Variants in ZFPM2 observed in about 807,000 individuals in gnomAD.
ZFPM2 encodes zinc finger protein, FOG family member 2.
A neutral mutation model predicts 98.6 loss-of-function variants in ZFPM2; 20 were observed. The ratio of observed to expected loss-of-function variants is 0.20; its 90% CI spans 0.14 to 0.29. The LOEUF is 0.29. ZFPM2 is among the 10% of genes least tolerant of loss of function. ZFPM2 has a pLI of 1.00. For synonymous variants in ZFPM2, 518 were observed against 502.7 expected (o/e 1.03, Z -0.41); for missense variants, 1,310 against 1,388.6 (o/e 0.94, Z 0.90).
At chr8:105,653,753 A>G (rs1269071254) in intron 5 of ZFPM2, among the ~76,000 whole-genome samples, 2 of 151,408 alleles carry the variant, frequency 1.3e-5, no homozygotes, top group Non-Finnish European at 2.9e-5. Context: ...TGCATGTTAG[A>G]GGCAAATAGA....
chr8:105,730,684 C>A (rs1251674874), intron 5 of ZFPM2, among the ~76,000 whole-genome samples: 2 of 151,258 alleles, frequency 1.3e-5, no homozygotes, highest in Admixed American at 1.3e-4. Context: ...TATTTTAATA[C>A]ACACAGTATA....
chr8:105,390,136 T>C lies in ZFPM2; in HGVS notation c.41-29008T>C, dbSNP rs547895594. 1.1e-4 allele frequency among the ~76,000 whole-genome samples: 16 copies of C among 152,244 alleles called. No individual in the cohort carries two copies. In the South Asian group the frequency reaches 3.1e-3, roughly 30 times the overall value. On this transcript the variant is annotated intron_variant, in intron 1 of 7. Transcript: ENST00000407775. ...CAACCTATAGTTTGTGCAGACTCCG[T>C]AGGTTGAGGCAAAGACCCCAGTAAG...
chr8:105,356,907 G>A (rs1221554433), intron 1 of ZFPM2, among the ~76,000 whole-genome samples: 2 of 151,994 alleles, frequency 1.3e-5, no homozygotes, highest in South Asian at 4.2e-4. Flanking sequence ...AGTCTACCAG[G>A]CTGATCTTCT....
intron 5 of ZFPM2, among the ~76,000 whole-genome samples, chr8:105,767,582 G>T (rs1246458100): frequency 6.6e-6 from 1 of 151,836 alleles, no homozygotes; most frequent in Non-Finnish European, 1.5e-5. Context: ...AAGGAATTAG[G>T]TTACAACACT....
intron 1 of ZFPM2, among the ~76,000 whole-genome samples, chr8:105,394,116 A>G (rs537649496): frequency 6.6e-6 from 1 of 152,058 alleles, no homozygotes; most frequent in Non-Finnish European, 1.5e-5. Context: ...GATGGTCTCT[A>G]TCTCCTGACC....
chr8:105,418,623 G>C (rs1319029777), intron 1 of ZFPM2: 1 of 518,514 alleles, frequency 1.9e-6, no homozygotes, highest in East Asian at 5.4e-5. Flanking sequence ...TTTTCTTCAA[G>C]CCTCAAACAC....
At chr8:105,574,636 T>G (rs967929940) in intron 4 of ZFPM2, among the ~76,000 whole-genome samples, 2 of 152,126 alleles carry the variant, frequency 1.3e-5, no homozygotes, top group East Asian at 1.9e-4. Flanking sequence ...GACAGAGTTT[T>G]GGAAGAGCAG....
chr8:105,795,761 CACTTCATAT>C, intron 6 of ZFPM2: 1 of 468,854 alleles, frequency 2.1e-6, no homozygotes, highest in Admixed American at 2.3e-5. Context: ...CACAGAATGA[CACTTCATAT>C]GACACAAAAT....
At chr8:105,366,769 G>A (rs112212708) in intron 1 of ZFPM2, among the ~76,000 whole-genome samples, 1 of 150,008 alleles carries the variant, frequency 6.7e-6, no homozygotes, top group South Asian at 2.1e-4. Flanking sequence ...AATATGCGGT[G>A]TTTGGGTTTT....
intron 3 of ZFPM2, among the ~76,000 whole-genome samples, chr8:105,540,437 A>G (rs1038049365): frequency 6.6e-6 from 1 of 152,154 alleles, no homozygotes; most frequent in African/African-American, 2.4e-5. Flanking sequence ...AAAGGCATCT[A>G]GCTTAGTAGA....
intron 2 of ZFPM2, among the ~76,000 whole-genome samples, chr8:105,442,667 A>G (rs1473277062): frequency 1.3e-5 from 2 of 152,228 alleles, no homozygotes; most frequent in Non-Finnish European, 2.9e-5. Flanking sequence ...CTCTCCGTTA[A>G]GTAAACTGAG....
At chr8:105,411,201 G>A (rs1366119554) in intron 1 of ZFPM2, among the ~76,000 whole-genome samples, 1 of 151,766 alleles carries the variant, frequency 6.6e-6, no homozygotes, top group Non-Finnish European at 1.5e-5. Flanking sequence ...CTAAATGCAA[G>A]GTAATATTCT....
intron 3 of ZFPM2, among the ~76,000 whole-genome samples, chr8:105,539,034 C>A (rs199643529): frequency 6.6e-6 from 1 of 151,952 alleles, no homozygotes; most frequent in Non-Finnish European, 1.5e-5. Flanking sequence ...CAAAACAAAA[C>A]AAAACAAAAC....
At chr8:105,391,854 A>G (rs1811115737) in intron 1 of ZFPM2, among the ~76,000 whole-genome samples, 1 of 152,172 alleles carries the variant, frequency 6.6e-6, no homozygotes, top group Non-Finnish European at 1.5e-5. Flanking sequence ...GTTGGAATCA[A>G]CTTCCTCCAA....
chr8:105,409,989 A>C (rs1443857379), intron 1 of ZFPM2, among the ~76,000 whole-genome samples: 1 of 151,922 alleles, frequency 6.6e-6, no homozygotes, highest in Non-Finnish European at 1.5e-5. Context: ...TTTTATTAAA[A>C]TTTCTTTTTG....
At chr8:105,647,403 G>A (rs1817068940) in intron 5 of ZFPM2, among the ~76,000 whole-genome samples, 1 of 151,580 alleles carries the variant, frequency 6.6e-6, no homozygotes, top group Non-Finnish European at 1.5e-5. Flanking sequence ...TATACTTTAA[G>A]TTCGAGGGTA....
intron 3 of ZFPM2, among the ~76,000 whole-genome samples, chr8:105,552,621 T>G (rs1402708732): frequency 1.3e-5 from 2 of 151,538 alleles, no homozygotes; most frequent in Admixed American, 6.6e-5. Context: ...AGGTGAATAT[T>G]TTCAGACACC....
chr8:105,380,678 A>ATATATATTATATATAACATATATAT (rs1810842499), intron 1 of ZFPM2, among the ~76,000 whole-genome samples: 2 of 18,078 alleles, frequency 1.1e-4, no homozygotes, highest in Non-Finnish European at 2.1e-4. Context: ...CATATATATT[A>ATATATATTATATATAACATATATAT]TATATATATT....
At chr8:105,794,067 C>T (rs1813711700) in intron 6 of ZFPM2, among the ~76,000 whole-genome samples, 1 of 152,188 alleles carries the variant, frequency 6.6e-6, no homozygotes, top group Non-Finnish European at 1.5e-5. Context: ...GCCTTCTTCT[C>T]TCAACTCGTC....
Sources: gnomAD v4.1 joint callset for allele counts (sites outside exome capture counted in the v4.1 genomes callset) on GRCh38, gnomAD v4.1.1 for gene constraint, MANE v1.5 for transcripts, NCBI Gene and HGNC (gene_info 2026-07-23, HGNC 2026-07-21) for gene names.